Variants in CCNYL1 observed in about 807,000 individuals in gnomAD.
The protein encoded by CCNYL1 is cyclin Y like 1.
Under a neutral mutation model 44.2 loss-of-function variants are expected in CCNYL1, and 16 were observed. That is an observed-to-expected ratio of 0.36 (90% CI 0.25 to 0.55). CCNYL1 has a LOEUF of 0.55. CCNYL1 is among the 20% of genes least tolerant of loss of function. CCNYL1 has a pLI of 0.85. For missense variants in CCNYL1, 348 were observed against 451.8 expected (o/e 0.77, Z 2.08); for synonymous variants, 159 against 163.2 (o/e 0.97, Z 0.20).
chr2:207,737,302 A>G, intron 4 of CCNYL1, 109 bp from the exon 5 acceptor site: 1 of 798,064 alleles, frequency 1.3e-6, no homozygotes, highest in South Asian at 1.5e-5. Flanking sequence ...GAACTAGAGG[A>G]TTTCAGGGCC....
At chr2:207,712,311 C>T (rs1196508828) in intron 1 of CCNYL1, among the ~76,000 whole-genome samples, 195 bp downstream of exon 1, 1 of 152,226 alleles carries the variant, frequency 6.6e-6, no homozygotes, top group African/African-American at 2.4e-5. Flanking sequence ...TTTCCTCCTC[C>T]TTACCGTAAC....
intron 8 of CCNYL1, among the ~76,000 whole-genome samples, chr2:207,749,246 A>C (rs1417317249): frequency 6.6e-6 from 1 of 152,218 alleles, no homozygotes; most frequent in East Asian, 1.9e-4. Flanking sequence ...TTTGGAAAGC[A>C]TTTCAACAAA....
rs752033750 is a variant in CCNYL1 at position 207,747,010 on chromosome 2, CTG to C, written c.640-36_640-35del. 4.4e-6 allele frequency: 6 copies of C among 1,365,668 alleles called. No individual in the cohort carries two copies. The South Asian group carries it at 7.6e-5, about 17-fold the overall frequency. 84.6% of individuals were successfully genotyped at this position (1,365,668 alleles called of 1,614,324 possible). ...AAAAAAGCTTATCAAAGCATTTAAA[CTG>C]AACTAAAATCAAAGACCAGTGCTCT... On this transcript the variant is annotated intron_variant, in intron 7 of 9. Transcript: ENST00000295414.
intron 1 of CCNYL1, among the ~76,000 whole-genome samples, chr2:207,720,581 T>G (rs1367535507): frequency 6.6e-6 from 1 of 152,024 alleles, no homozygotes; most frequent in African/African-American, 2.4e-5. Context: ...ACTAATCTTT[T>G]AAAAAATTTT....
Position 207,724,857 on chromosome 2 carries a change from G to A in CCNYL1, c.278G>A (p.Ser93Asn), listed in dbSNP as rs140925410. The A allele has an allele frequency of 3.5e-5, 56 of 1,612,282 alleles. No individual in the cohort carries two copies. The African/African-American group carries it at 6.5e-4, about 19-fold the overall frequency. Residue 93 changes from serine to asparagine, a missense_variant, in exon 2 of 10, where the codon AGC becomes AAC. Around this residue, in one of 3 missense-constraint regions of CCNYL1, gnomAD observed 209 missense variants for 247.7 expected, o/e 0.84. Coordinates refer to ENST00000295414, the MANE Select transcript of CCNYL1 (RefSeq NM_001330218.2). Reference protein sequence around the residue: ...DHPRASTIFLSKSQTDVREKR... With the variant: ...DHPRASTIFLNKSQTDVREKR... ...CCAAGGGCAAGCACAATTTTCCTGA[G>A]CAAATCTCAAACGGATGGTAAGACA...
Position 207,733,934 on chromosome 2 carries a change from C to T in CCNYL1, c.331-13C>T. 6.5e-7 allele frequency: 1 copy of T among 1,544,860 alleles called. No homozygotes were observed. Among genetic ancestry groups the T allele is most frequent in the East Asian group, 2.2e-5 (1 of 44,462 alleles). On this transcript the variant is annotated splice_polypyrimidine_tract_variant and intron_variant, in intron 3 of 9. Coordinates refer to ENST00000295414, the MANE Select transcript of CCNYL1 (RefSeq NM_001330218.2). ...TTACTGTGACATTTTCTTCTATTTCCCTTCCCCTTCAGGTATCTCCAGGGC... is the reference window on the plus strand; with the variant it reads ...TTACTGTGACATTTTCTTCTATTTCTCTTCCCCTTCAGGTATCTCCAGGGC...
intron 3 of CCNYL1, among the ~76,000 whole-genome samples, chr2:207,730,694 GC>G (rs1192751391): frequency 6.6e-6 from 1 of 152,124 alleles, no homozygotes; most frequent in Non-Finnish European, 1.5e-5. Context: ...GGAGGTGGAA[GC>G]TGCAGTGAGC....
chr2:207,728,059 G>T (rs1485844408), intron 3 of CCNYL1, among the ~76,000 whole-genome samples: 1 of 151,750 alleles, frequency 6.6e-6, no homozygotes, highest in Non-Finnish European at 1.5e-5. Context: ...TGCCTCCCGG[G>T]TTCAAGCGAT....
chr2:207,718,854 T>C (rs1401599028), intron 1 of CCNYL1, among the ~76,000 whole-genome samples: 1 of 152,072 alleles, frequency 6.6e-6, no homozygotes, highest in Non-Finnish European at 1.5e-5. Context: ...AAATATGAAA[T>C]AACATGTGCA....
At chr2:207,750,858 G>T (rs2091885979) in intron 8 of CCNYL1, 99 bp from the exon 9 acceptor site, 1 of 1,014,806 alleles carries the variant, frequency 9.9e-7, no homozygotes, top group Non-Finnish European at 1.5e-6. Flanking sequence ...TTAAAATAGA[G>T]TTTAGAGCCA....
At position 207,750,831 on chromosome 2, in the gene CCNYL1, A is replaced by T. The variant is rs1448530308; in HGVS notation, c.807-126A>T. 6 of 760,998 alleles carry T rather than the reference A, an allele frequency of 7.9e-6. No individual in the cohort carries two copies. In the Admixed American group the frequency reaches 1.7e-4, roughly 22 times the overall value. 47.1% of individuals were successfully genotyped at this position (760,998 alleles called of 1,614,324 possible). ...ATGTGAACATTAGTATGTTAATACAACTGGGTAGCCTATATTTTAAAATAG... is the reference window on the plus strand; with the variant it reads ...ATGTGAACATTAGTATGTTAATACATCTGGGTAGCCTATATTTTAAAATAG... On this transcript the variant is annotated intron_variant, in intron 8 of 9. Transcript: ENST00000295414.
intron 3 of CCNYL1, among the ~76,000 whole-genome samples, chr2:207,730,266 G>A (rs7558278): frequency 0.99 from 151,306 of 152,196 alleles, 75,216 homozygotes; most frequent in Middle Eastern, 1. Context: ...CATATTTTCA[G>A]CCGACCTTGC....
rs1381876976 is a variant in CCNYL1 at position 207,731,174 on chromosome 2, CT to C, written c.331-2761del. Among the ~76,000 whole-genome samples the C allele has an allele frequency of 4.9e-3, 700 of 143,868 alleles. 2 individuals carry two copies. The highest frequency in any genetic ancestry group is 0.014 in the African/African-American group (545 of 39,658). 94.4% of individuals were successfully genotyped at this position (143,868 alleles called of 152,430 possible). ...TTAAGTTAATTAAAAGTCATTAATT[CT>C]TTTTTTTTTTTGAGACGGATTCTGT... On this transcript the variant is annotated intron_variant, in intron 3 of 9. Coordinates refer to ENST00000295414, the MANE Select transcript of CCNYL1 (RefSeq NM_001330218.2).
intron 5 of CCNYL1, among the ~76,000 whole-genome samples, chr2:207,738,512 T>A (rs1278979041): frequency 6.6e-6 from 1 of 152,004 alleles, no homozygotes; most frequent in East Asian, 1.9e-4. Context: ...TGAGCCACCA[T>A]ACCCGGCCAG....
rs755801580 is a variant in CCNYL1 at position 207,751,153 on chromosome 2, A to G, written c.969+34A>G. The G allele has an allele frequency of 3.8e-6, 6 of 1,581,716 alleles. No homozygotes were observed. In the South Asian group the frequency reaches 4.6e-5, roughly 12 times the overall value. On this transcript the variant is annotated intron_variant, in intron 9 of 9. Transcript: ENST00000295414. Reference sequence around the variant, plus strand: ...ATGAAGTCACTAAGTGAGGTTTTCCATCAGCCACCAAAGCCAACATCTGTG... The same window carrying G: ...ATGAAGTCACTAAGTGAGGTTTTCCGTCAGCCACCAAAGCCAACATCTGTG...
At chr2:207,729,616 G>A (rs985596541) in intron 3 of CCNYL1, among the ~76,000 whole-genome samples, 1 of 151,996 alleles carries the variant, frequency 6.6e-6, no homozygotes, top group African/African-American at 2.4e-5. Context: ...GTTATCTGGT[G>A]GGTCTTGTCT....
rs1436390561 is a variant in CCNYL1, at chr2:207,737,319, A to AG, written c.432-89dup. ...ACTAGAGGATTTCAGGGCCGCTAGG[A>AG]GGGTTCCTCCCTTCCCTCATTTAAA... is the stretch of plus-strand genomic sequence containing the variant. On this transcript the variant is annotated intron_variant, in intron 4 of 9. Transcript: ENST00000295414. 6.5e-6 allele frequency: 6 copies of AG among 917,196 alleles called. No homozygotes were observed. In the African/African-American group the frequency reaches 8.3e-5, roughly 13 times the overall value. The allele number at this position is 917,196 out of a possible 1,614,324, so 56.8% of individuals were successfully genotyped here.
rs2091925470 is a variant in CCNYL1 at position 207,755,494 on chromosome 2, T to G, written c.*1796T>G. On this transcript the variant is annotated 3_prime_UTR_variant, in exon 10 of 10. Transcript: ENST00000295414. ...CTGAACTTTTGGAATACCTTGTATC[T>G]CCATAAAATGCCCTCTTTTTAAAAG... The G allele has an allele frequency of 6.6e-6, 1 of 152,244 alleles. No individual in the cohort carries two copies. Among genetic ancestry groups the G allele is most frequent in the South Asian group, 2.1e-4 (1 of 4,838 alleles). The allele number at this position is 152,244 out of a possible 1,614,324, so 9.4% of individuals were successfully genotyped here.
chr2:207,726,794 C>T (rs767435944), intron 2 of CCNYL1, 48 bp from the exon 3 acceptor site: 4 of 1,304,958 alleles, frequency 3.1e-6, no homozygotes, highest in Non-Finnish European at 4.3e-6. Context: ...TACTTTTATA[C>T]TGTGGCATTT....
Sources: gnomAD v4.1 joint callset for allele counts (sites outside exome capture counted in the v4.1 genomes callset) on GRCh38, gnomAD v4.1.1 for gene constraint, gnomAD v4.1.1 regional missense constraint, MANE v1.5 for transcripts, NCBI Gene and HGNC (gene_info 2026-07-23, HGNC 2026-07-21) for gene names.